Variants in PSME2 observed in about 807,000 individuals in gnomAD.
PSME2 encodes the protein proteasome activator subunit 2.
A neutral mutation model predicts 38.8 loss-of-function variants in PSME2; 20 were observed. That is an observed-to-expected ratio of 0.52 (90% CI 0.36 to 0.75). The LOEUF (loss-of-function observed/expected upper bound fraction) is 0.75, where lower values mean the gene tolerates loss of function less well. Ranked by LOEUF, PSME2 falls within the 30% of genes least tolerant of loss-of-function variation. PSME2 has a pLI of 0.00. For missense variants in PSME2, 227 were observed against 287.6 expected (o/e 0.79, Z 1.52); for synonymous variants, 82 against 102.5 (o/e 0.80, Z 1.21).
chr14:24,143,556 C>A lies in PSME2; in HGVS notation c.639+29G>T, dbSNP rs201835240. 11 of 1,613,394 alleles carry A rather than the reference C, an allele frequency of 6.8e-6. No individual in the cohort carries two copies. The highest frequency in any genetic ancestry group is 9.3e-6 in the Non-Finnish European group (11 of 1,179,392). ...TCCCCTGCCTGCCCCCACTCATCCA[C>A]CTCCCCTAAAGCCTTACTCCACACT... On this transcript the variant is annotated intron_variant, in intron 10 of 10. Coordinates refer to ENST00000216802, the MANE Select transcript of PSME2 (RefSeq NM_002818.3). The surrounding 1 kb of genome is among the most constrained non-coding windows in gnomAD (Gnocchi z 4.4).
rs896627196 is a variant in PSME2, at chr14:24,143,774, T to C, written c.553-103A>G. On this transcript the variant is annotated intron_variant, in intron 9 of 10. Coordinates refer to ENST00000216802, the MANE Select transcript of PSME2 (RefSeq NM_002818.3). This position sits in a 1 kb window ranked among gnomAD's most constrained non-coding sequence, Gnocchi z 4.4. ...GGTTAACTTGAGAATGAACCCCTTC[T>C]TAGCACCAAGAAATAGGATCCCAAA... 10 of 1,354,410 alleles carry C rather than the reference T, an allele frequency of 7.4e-6. No individual in the cohort carries two copies. In the African/African-American group the frequency reaches 1.4e-4, roughly 20 times the overall value. 83.9% of individuals were successfully genotyped at this position (1,354,410 alleles called of 1,614,324 possible).
In PSME2 at chr14:24,146,361, G is replaced by A. The variant is rs1594371002; in HGVS notation, c.49-121C>T. ...TTCTCACCACAAACTAGCTTTCCCT[G>A]GAAGCTCCTGCTCACTGCAGTCAGA... On this transcript the variant is annotated intron_variant, in intron 1 of 10. Transcript: ENST00000216802. 2.1e-6 allele frequency: 3 copies of A among 1,450,708 alleles called. No individual in the cohort carries two copies. In the East Asian group the frequency reaches 6.8e-5, roughly 33 times the overall value. 89.9% of individuals were successfully genotyped at this position (1,450,708 alleles called of 1,614,324 possible).
chr14:24,146,093 G>C (rs1188937809), intron 2 of PSME2, 115 bp downstream of exon 2: 3 of 1,315,394 alleles, frequency 2.3e-6, no homozygotes, highest in Non-Finnish European at 3.3e-6. Flanking sequence ...GTGAAGGCTT[G>C]GTAAGGGAAG....
chr14:24,143,867 C>A lies in PSME2; in HGVS notation c.552+108G>T. 7.0e-7 allele frequency: 1 copy of A among 1,438,668 alleles called. No homozygotes were observed. 89.1% of individuals were successfully genotyped at this position (1,438,668 alleles called of 1,614,324 possible). On this transcript the variant is annotated intron_variant, in intron 9 of 10. Transcript: ENST00000216802. This position sits in a 1 kb window ranked among gnomAD's most constrained non-coding sequence, Gnocchi z 4.4. ...CAGTTTTTCTAGGTAATGCTTTTAG[C>A]TTAATATTCTCCACATTGGGAAAGT...
At chr14:24,146,166 G>A (rs778699545) in intron 2 of PSME2, 42 bp downstream of exon 2, 27 of 1,604,278 alleles carry the variant, frequency 1.7e-5, no homozygotes, top group Non-Finnish European at 2.3e-5. Flanking sequence ...TCAAGTATTG[G>A]TCCAAGATTC....
At chr14:24,144,141 C>T (rs767786072) in intron 8 of PSME2, 51 bp downstream of exon 8, 2 of 1,612,624 alleles carry the variant, frequency 1.2e-6, no homozygotes, top group African/African-American at 2.7e-5. Context: ...TCTGGGGGTC[C>T]CAAAGAAATG....
At chr14:24,145,809 T>A in intron 2 of PSME2, 37 bp from the exon 3 acceptor site, 1 of 1,580,632 alleles carries the variant, frequency 6.3e-7, no homozygotes. Context: ...AATCACAGAA[T>A]ATGCTCAATG....
Position 24,145,285 on chromosome 14 carries a change from AGGG to A in PSME2, c.232-15_232-13del. 1.2e-6 allele frequency: 2 copies of A among 1,613,992 alleles called. No homozygotes were observed. The highest frequency in any genetic ancestry group is 1.7e-6 in the Non-Finnish European group (2 of 1,179,908). The stretch of plus-strand genomic sequence containing the variant: ...TTATCTGTTTCCATCTAAGGCAAAA[AGGG>A]GGGAAAGTAGCTTTAGAAAAGTCAC... On this transcript the variant is annotated splice_polypyrimidine_tract_variant and intron_variant, in intron 4 of 10. Transcript: ENST00000216802.
chr14:24,144,344 A>G, intron 7 of PSME2, 56 bp downstream of exon 7: 1 of 1,607,966 alleles, frequency 6.2e-7, no homozygotes, highest in Non-Finnish European at 8.5e-7. Flanking sequence ...GTTCATGTCT[A>G]GCTCACCCCC....
At position 24,144,151 on chromosome 14, in the gene PSME2, G is replaced by T. The variant is rs537590290; in HGVS notation, c.497+41C>A. On this transcript the variant is annotated intron_variant, in intron 8 of 10. Coordinates refer to ENST00000216802, the MANE Select transcript of PSME2 (RefSeq NM_002818.3). ...CCAGCTCTGGGGGTCCCAAAGAAATGCTCCTACTGCCCCCAATGCTGGTCC... is the reference window on the plus strand; with the variant it reads ...CCAGCTCTGGGGGTCCCAAAGAAATTCTCCTACTGCCCCCAATGCTGGTCC... 2.1e-5 allele frequency: 34 copies of T among 1,613,272 alleles called. No homozygotes were observed. The South Asian group carries it at 3.3e-4, about 16-fold the overall frequency.
Position 24,143,597 on chromosome 14 carries a change from C to T in PSME2, c.627G>A (p.Leu209=). 1 of 1,614,116 alleles carries T rather than the reference C, an allele frequency of 6.2e-7. No homozygotes were observed. Among genetic ancestry groups the T allele is most frequent in the Non-Finnish European group, 8.5e-7 (1 of 1,180,004 alleles). ...ACTCCACACTCACATAGAAGGCCCT[C>T]AGGTCCAGCACCATGGCCCTGAGCT... ...YGELRAMVLD[L]RAFYAELYHI... The change falls in exon 10 of 11, where the codon CTG becomes CTA. Residue 209 remains leucine (L), a synonymous_variant. Coordinates refer to ENST00000216802, the MANE Select transcript of PSME2 (RefSeq NM_002818.3). This position sits in a 1 kb window ranked among gnomAD's most constrained non-coding sequence, Gnocchi z 4.4.
intron 3 of PSME2, 52 bp from the exon 4 acceptor site, chr14:24,145,517 G>A (rs935356863): frequency 2.0e-6 from 3 of 1,520,520 alleles, no homozygotes; most frequent in Non-Finnish European, 2.7e-6. Flanking sequence ...TTCATCCTAG[G>A]TCACAGCCTT....
chr14:24,145,453 T>G lies in PSME2; in HGVS notation c.157A>C (p.Asn53His). 1 of 1,554,568 alleles carries G rather than the reference T, an allele frequency of 6.4e-7. No homozygotes were observed. Among genetic ancestry groups the G allele is most frequent in the Middle Eastern group, 1.7e-4 (1 of 5,722 alleles). ...CGGAGGGAAGTCAAGTCAGCCACAT[T>G]GAGGGAGTCCTCCTGCACAGAGCTC... ...LNQLLQEDSLNVADLTSLRAP... is the reference protein window; with the variant it reads ...LNQLLQEDSLHVADLTSLRAP... The change falls in exon 4 of 11, where the codon AAT (asparagine) becomes CAT (histidine). Residue 53 changes from asparagine to histidine, a missense_variant. Asn to His is a moderately conservative substitution (Grantham distance 68). This residue lies in a region of PSME2 where 80 missense variants were observed against 77.3 expected (regional missense o/e 1.04). Transcript: ENST00000216802.
intron 1 of PSME2, 58 bp downstream of exon 1, chr14:24,146,476 C>CT: frequency 6.2e-7 from 1 of 1,610,410 alleles, no homozygotes; most frequent in South Asian, 1.1e-5. Flanking sequence ...AACCACCCAG[C>CT]TTGGCCTCCA....
chr14:24,144,438 T>C lies in PSME2; in HGVS notation c.391A>G (p.Lys131Glu). The change falls in exon 7 of 11, where the codon AAG becomes GAG. Residue 131 changes from lysine to glutamate, a missense_variant. Lys to Glu is a moderately conservative substitution (Grantham distance 56). This residue lies in a region of PSME2 where 48 missense variants were observed against 96.4 expected (regional missense o/e 0.50). Transcript: ENST00000216802. ...VITWIQHLIP[K>E]IEDGNDFGVA... ...CCAAAATCATTTCCATCTTCAATCT[T>C]GGGGATCAGGTGTTGGATCCATGTA... 1 of 1,613,596 alleles carries C rather than the reference T, an allele frequency of 6.2e-7. No individual in the cohort carries two copies. Among genetic ancestry groups the C allele is most frequent in the Non-Finnish European group, 8.5e-7 (1 of 1,179,484 alleles).
At chr14:24,144,764 A>G (rs2038124832) in intron 6 of PSME2, 1 of 568,648 alleles carries the variant, frequency 1.8e-6, no homozygotes, top group Non-Finnish European at 3.1e-6. Context: ...CTAGGGTCCA[A>G]TCTTTTAAAA....
intron 2 of PSME2, 95 bp downstream of exon 2, chr14:24,146,113 G>C (rs2038150599): frequency 6.8e-7 from 1 of 1,466,434 alleles, no homozygotes. Context: ...GTAGGGTTAA[G>C]TCTAGGGTGA....
Position 24,143,883 on chromosome 14 carries a change from T to C in PSME2, c.552+92A>G, listed in dbSNP as rs954150998. 3.0e-5 allele frequency: 44 copies of C among 1,490,952 alleles called. No homozygotes were observed. The Admixed American group carries it at 3.6e-4, about 12-fold the overall frequency. The allele number at this position is 1,490,952 out of a possible 1,614,324, so 92.4% of individuals were successfully genotyped here. A position where few individuals can be genotyped will look rare whatever the true frequency, so the allele number is the denominator to read the frequency against. On this transcript the variant is annotated intron_variant, in intron 9 of 10. Coordinates refer to ENST00000216802, the MANE Select transcript of PSME2 (RefSeq NM_002818.3). This position sits in a 1 kb window ranked among gnomAD's most constrained non-coding sequence, Gnocchi z 4.4. ...TGCTTTTAGCTTAATATTCTCCACATTGGGAAAGTCACAAACAAGACAAGG... is the reference window on the plus strand; with the variant it reads ...TGCTTTTAGCTTAATATTCTCCACACTGGGAAAGTCACAAACAAGACAAGG...
In PSME2 at chr14:24,143,494, GAGA is replaced by G; in HGVS notation, c.640-8_640-6del. 2.5e-6 allele frequency: 4 copies of G among 1,614,082 alleles called. No homozygotes were observed. Among genetic ancestry groups the G allele is most frequent in the East Asian group, 2.2e-5 (1 of 44,894 alleles). On this transcript the variant is annotated splice_region_variant and splice_polypyrimidine_tract_variant and intron_variant, in intron 10 of 10. Transcript: ENST00000216802. This position sits in a 1 kb window ranked among gnomAD's most constrained non-coding sequence, Gnocchi z 4.4. ...GATGATATGATAAAGCTCAGCCTGG[GAGA>G]AGGCCAGAGTGCAAGAGTCAGGTTC...
Sources: gnomAD v4.1 joint callset for allele counts on GRCh38, gnomAD v4.1.1 for gene constraint, gnomAD v4.1.1 regional missense constraint, Gnocchi (gnomAD v3.1) non-coding constraint, MANE v1.5 for transcripts, NCBI Gene and HGNC (gene_info 2026-07-23, HGNC 2026-07-21) for gene names.